Variants in KRT7 observed in about 807,000 individuals in gnomAD.
KRT7 encodes the protein keratin, type II cytoskeletal 7.
A neutral mutation model predicts 42.8 loss-of-function variants in KRT7; 50 were observed. The observed-to-expected ratio is 1.17, with a 90% CI of 0.93 to 1.48. The LOEUF is 1.48. KRT7 is among the 40% of genes most tolerant of loss of function. The pLI is 0.00. For missense variants in KRT7, 588 were observed against 637.6 expected (o/e 0.92, Z 0.84); for synonymous variants, 268 against 266.3 (o/e 1.01, Z -0.06).
chr12:52,250,489 C>A (rs570195506), downstream of KRT7: 1 of 667,302 alleles, frequency 1.5e-6, no homozygotes, highest in East Asian at 3.1e-5. Flanking sequence ...ACGGAGCGGC[C>A]GCTGCCGCTG....
At chr12:52,244,808 C>T (rs928771392) in intron 6 of KRT7, among the ~76,000 whole-genome samples, 1 of 152,090 alleles carries the variant, frequency 6.6e-6, no homozygotes, top group Non-Finnish European at 1.5e-5. Flanking sequence ...TGACCAAACC[C>T]GGGGACTGTG....
chr12:52,252,047 C>T (rs1271081158), downstream of KRT7: 2 of 736,744 alleles, frequency 2.7e-6, no homozygotes, highest in Admixed American at 2.0e-5. Context: ...AGCACCAACG[C>T]CCTCACACAA....
At chr12:52,240,598 C>A (rs1475667776) in intron 4 of KRT7, among the ~76,000 whole-genome samples, 2 of 151,512 alleles carry the variant, frequency 1.3e-5, no homozygotes, top group Non-Finnish European at 2.9e-5. Context: ...CCACTGTACT[C>A]CAGCTTGGGT....
In KRT7 at chr12:52,248,625, C is replaced by A; in HGVS notation, c.1275C>A (p.Gly425=). ...VMNSTGGSSS[G]GGIGLTLGGT... is the part of the protein sequence containing the mutation. ...ATTCCACTGGTGGCAGTAGCAGTGG[C>A]GGTGGCATTGGGCTGACCCTCGGGG... Residue 425 remains glycine, a synonymous_variant, in exon 9 of 9, where the codon GGC becomes GGA. Coordinates refer to ENST00000331817, the MANE Select transcript of KRT7 (RefSeq NM_005556.4). The A allele has an allele frequency of 1.2e-6, 2 of 1,601,414 alleles. No homozygotes were observed. The highest frequency in any genetic ancestry group is 1.7e-5 in the Admixed American group (1 of 57,430).
chr12:52,234,137 GCTCCC>G (rs1941974816), intron 1 of KRT7, among the ~76,000 whole-genome samples: 1 of 134,578 alleles, frequency 7.4e-6, no homozygotes, highest in Non-Finnish European at 1.6e-5. Flanking sequence ...AGGGGGGGGG[GCTCCC>G]GCCCCTCCCC....
chr12:52,241,741 C>A, intron 5 of KRT7, 105 bp downstream of exon 5: 2 of 998,344 alleles, frequency 2.0e-6, no homozygotes, highest in South Asian at 1.6e-5. Flanking sequence ...TCCCACTGTT[C>A]TGGCAGGCAC....
chr12:52,244,002 G>C (rs970893914), intron 6 of KRT7, among the ~76,000 whole-genome samples: 1 of 152,254 alleles, frequency 6.6e-6, no homozygotes, highest in Non-Finnish European at 1.5e-5. Flanking sequence ...TGGGGTTGGA[G>C]GTGTTGATGG....
At chr12:52,243,825 T>G (rs900311114) in intron 6 of KRT7, among the ~76,000 whole-genome samples, 2 of 152,236 alleles carry the variant, frequency 1.3e-5, no homozygotes, top group Admixed American at 6.5e-5. Flanking sequence ...TCTGTCTTAT[T>G]CATTAAGTGA....
chr12:52,245,701 C>T, intron 7 of KRT7, 69 bp downstream of exon 7: 1 of 1,579,282 alleles, frequency 6.3e-7, no homozygotes, highest in South Asian at 1.1e-5. Flanking sequence ...GACATTCATC[C>T]ATTTACAAGC....
At chr12:52,254,229 C>T, downstream of KRT7, 1 of 709,704 alleles carries the variant, frequency 1.4e-6, no homozygotes, top group Non-Finnish European at 2.5e-6. Context: ...ATGTCTAACT[C>T]ATATCCTCCT....
downstream of KRT7, chr12:52,254,460 A>G: frequency 8.1e-6 from 4 of 496,630 alleles, no homozygotes; most frequent in South Asian, 6.7e-5. Flanking sequence ...CAGGCTGAGC[A>G]GCTTCCCTGG....
intron 7 of KRT7, among the ~76,000 whole-genome samples, chr12:52,246,770 C>T (rs1790142950): frequency 6.6e-6 from 1 of 152,308 alleles, no homozygotes; most frequent in Admixed American, 6.5e-5. Context: ...CCTCTCTCTG[C>T]TTTCGCCTCT....
chr12:52,237,880 T>G (rs1942033783), intron 3 of KRT7, among the ~76,000 whole-genome samples: 1 of 152,176 alleles, frequency 6.6e-6, no homozygotes, highest in South Asian at 2.1e-4. Flanking sequence ...CCAGAACATT[T>G]TCATCACAAA....
At chr12:52,252,662 C>T (rs1341989935), downstream of KRT7, among the ~76,000 whole-genome samples, 2 of 152,266 alleles carry the variant, frequency 1.3e-5, no homozygotes, top group East Asian at 3.8e-4. Context: ...AAATTTAACA[C>T]AATAATTGAA....
downstream of KRT7, among the ~76,000 whole-genome samples, chr12:52,252,646 T>C (rs754783612): frequency 8.5e-5 from 13 of 152,276 alleles, no homozygotes; most frequent in Non-Finnish European, 1.8e-4. Context: ...GTGTCTTCAA[T>C]TTTGGAAATT....
At chr12:52,250,515 G>T (rs535942501), downstream of KRT7, 48 of 775,540 alleles carry the variant, frequency 6.2e-5, no homozygotes, top group Middle Eastern at 1.4e-3. Context: ...GCCGCAGGGC[G>T]CACACAGGCC....
chr12:52,250,232 A>T (rs528112367), downstream of KRT7, among the ~76,000 whole-genome samples: 2 of 152,362 alleles, frequency 1.3e-5, no homozygotes, highest in South Asian at 4.1e-4. Flanking sequence ...CTGCGAGGAC[A>T]GTCCTTTAGA....
chr12:52,242,952 A>G (rs748167405), intron 5 of KRT7, 60 bp from the exon 6 acceptor site: 2 of 1,526,786 alleles, frequency 1.3e-6, no homozygotes, highest in East Asian at 2.4e-5. Context: ...GGGGAGAGGG[A>G]TGAGTTACCT....
chr12:52,246,430 G>A (rs948407029), intron 7 of KRT7: 1 of 152,246 alleles, frequency 6.6e-6, no homozygotes, highest in South Asian at 2.1e-4. Context: ...GTAAAATGCT[G>A]AGTGTATACA....
Sources: allele counts gnomAD v4.1 joint callset (sites outside exome capture counted in the v4.1 genomes callset), GRCh38; gene constraint gnomAD v4.1.1; transcripts MANE v1.5; gene names NCBI Gene and HGNC (gene_info 2026-07-23, HGNC 2026-07-21).